PPP1R12A: variants seen among roughly 807,000 people sequenced by gnomAD.
PPP1R12A encodes myosin binding subunit.
PPP1R12A carries 19 observed loss-of-function variants against 139.6 expected under a neutral mutation model. The ratio of observed to expected loss-of-function variants is 0.14; its 90% CI spans 0.09 to 0.20. The LOEUF is 0.20. Among genes scored for constraint, PPP1R12A ranks in the 10% least tolerant of loss-of-function variants. The probability of loss-of-function intolerance (pLI) is 1.00; values close to 1 mark genes in which losing one functional copy is unlikely to be tolerated. For synonymous variants in PPP1R12A, 427 were observed against 420.6 expected, an observed-to-expected ratio of 1.02 and a Z score of -0.19; for missense variants, 925 against 1,211.5, an observed-to-expected ratio of 0.76 and a Z score of 3.51.
chr12:79,868,983 A>G (rs1421249480), intron 2 of PPP1R12A, among the ~76,000 whole-genome samples: 2 of 152,234 alleles, frequency 1.3e-5, no homozygotes, highest in Non-Finnish European at 2.9e-5. Flanking sequence ...CAAGGCAGTG[A>G]GTATTTATTA....
intron 1 of PPP1R12A, among the ~76,000 whole-genome samples, chr12:79,899,352 T>C (rs1010517766): frequency 1.3e-5 from 2 of 151,454 alleles, no homozygotes; most frequent in African/African-American, 4.8e-5. Context: ...AACATACCAT[T>C]ACTACAGAAA....
rs541350503 is a variant in PPP1R12A, at chr12:79,812,312, CT to C, written c.1240-2303del. 3.4e-3 allele frequency among the ~76,000 whole-genome samples: 509 copies of C among 151,756 alleles called. 6 individuals are homozygous for C. Among genetic ancestry groups the C allele is most frequent in the Non-Finnish European group, 1.7e-3 (114 of 67,932 alleles). On this transcript the variant is annotated intron_variant, in intron 9 of 24. Transcript: ENST00000450142. ...TCCTCCATTAAACTCTCTTCTTTGG[CT>C]TTTTTTACTGGACACTATCTTCACC... is the stretch of plus-strand genomic sequence containing the variant.
chr12:79,899,724 T>C (rs889950454), intron 1 of PPP1R12A, among the ~76,000 whole-genome samples: 1 of 152,154 alleles, frequency 6.6e-6, no homozygotes, highest in Non-Finnish European at 1.5e-5. Flanking sequence ...TCTTTTTCTC[T>C]TGGCTAAACA....
chr12:79,818,430 A>G (rs1184466852), intron 8 of PPP1R12A, among the ~76,000 whole-genome samples: 1 of 152,096 alleles, frequency 6.6e-6, no homozygotes, highest in Non-Finnish European at 1.5e-5. Flanking sequence ...TTTTGTAAAG[A>G]CAGGGCTTCC....
intron 23 of PPP1R12A, 112 bp from the exon 24 acceptor site, chr12:79,778,712 G>T: frequency 1.5e-6 from 1 of 683,548 alleles, no homozygotes; most frequent in Non-Finnish European, 2.2e-6. Context: ...CAGGAGCAGT[G>T]TAGAAAAGAT....
chr12:79,788,812 C>T, intron 20 of PPP1R12A, 29 bp from the exon 21 acceptor site: 2 of 1,539,636 alleles, frequency 1.3e-6, no homozygotes, highest in Non-Finnish European at 1.8e-6. Context: ...AATAAAAAAC[C>T]TTGTTATAGG....
intron 9 of PPP1R12A, among the ~76,000 whole-genome samples, chr12:79,811,804 G>A (rs995177657): frequency 6.6e-6 from 1 of 151,954 alleles, no homozygotes; most frequent in African/African-American, 2.4e-5. Context: ...TGGCCCACCA[G>A]CCATAGTTTG....
rs1442740645 is a variant in PPP1R12A at position 79,808,510 on chromosome 12, G to A, written c.1523C>T (p.Thr508Ile). 6.2e-7 allele frequency: 1 copy of A among 1,607,090 alleles called. No homozygotes were observed. The highest frequency in any genetic ancestry group is 1.1e-5 in the South Asian group (1 of 90,470). Residue 508 changes from threonine (T) to isoleucine (I), a missense_variant, in exon 11 of 25, where the codon ACA becomes ATA. This residue lies in a region of PPP1R12A where 403 missense variants were observed against 463.7 expected (regional missense o/e 0.87). Coordinates refer to ENST00000450142, the MANE Select transcript of PPP1R12A (RefSeq NM_002480.3). ...APTIPRRLAS[T>I]SDIEEKENRD... is the part of the protein sequence containing the mutation. ...GTTTTCTTTCTCTTCAATGTCAGAT[G>A]TACTGGCTAGTCGTCTTGGTATTGT...
intron 2 of PPP1R12A, chr12:79,848,764 AAATAAT>A (rs1217603610): frequency 1.3e-5 from 2 of 152,146 alleles, no homozygotes; most frequent in African/African-American, 2.4e-5. Context: ...AAATAATAAT[AAATAAT>A]AATAAACAAA....
intron 21 of PPP1R12A, 121 bp from the exon 22 acceptor site, chr12:79,786,599 C>T: frequency 3.4e-6 from 2 of 581,296 alleles, no homozygotes; most frequent in Non-Finnish European, 5.6e-6. Context: ...ATAAAGGATA[C>T]ATTTAAAAAA....
chr12:79,844,758 G>A (rs1424750948), intron 3 of PPP1R12A, among the ~76,000 whole-genome samples: 2 of 152,136 alleles, frequency 1.3e-5, no homozygotes, highest in Non-Finnish European at 2.9e-5. Context: ...AGGCCTTAAG[G>A]TGATATGACC....
chr12:79,813,091 G>A (rs367897208), intron 9 of PPP1R12A, among the ~76,000 whole-genome samples: 2 of 152,040 alleles, frequency 1.3e-5, no homozygotes, highest in East Asian at 1.9e-4. Context: ...CATCTTCCAC[G>A]ACTACTACTT....
intron 1 of PPP1R12A, among the ~76,000 whole-genome samples, chr12:79,914,779 C>T (rs1040168454): frequency 6.6e-6 from 1 of 151,850 alleles, no homozygotes; most frequent in Admixed American, 6.6e-5. Flanking sequence ...CTCTAGATAA[C>T]TAGACCAGAA....
intron 2 of PPP1R12A, among the ~76,000 whole-genome samples, chr12:79,857,827 T>G (rs150489252): frequency 6.6e-6 from 1 of 152,046 alleles, no homozygotes; most frequent in East Asian, 1.9e-4. Context: ...AGTTATGATA[T>G]AATGGAAAAA....
intron 24 of PPP1R12A, among the ~76,000 whole-genome samples, chr12:79,778,182 C>CA: frequency 6.6e-6 from 1 of 151,580 alleles, no homozygotes; most frequent in South Asian, 2.1e-4. Context: ...ACTTACTCGC[C>CA]AAAAAACATG....
intron 1 of PPP1R12A, among the ~76,000 whole-genome samples, chr12:79,886,270 T>C (rs1565797622): frequency 6.6e-6 from 1 of 152,022 alleles, no homozygotes; most frequent in African/African-American, 2.4e-5. Flanking sequence ...TACTAAATAA[T>C]AAAAAAGAAA....
At chr12:79,882,096 T>C (rs966330533) in intron 1 of PPP1R12A, among the ~76,000 whole-genome samples, 2 of 152,220 alleles carry the variant, frequency 1.3e-5, no homozygotes, top group African/African-American at 4.8e-5. Flanking sequence ...AGGATTAATG[T>C]TGTTTTCATG....
intron 1 of PPP1R12A, among the ~76,000 whole-genome samples, chr12:79,931,914 G>T (rs1888283460): frequency 6.6e-6 from 1 of 152,064 alleles, no homozygotes; most frequent in South Asian, 2.1e-4. Context: ...CTGAAGACTG[G>T]ATATCTTTTA....
In PPP1R12A at chr12:79,899,413, T is replaced by C. The variant is rs142622780; in HGVS notation, c.238-26475A>G. 4.1e-4 allele frequency among the ~76,000 whole-genome samples: 62 copies of C among 152,134 alleles called. 1 individual carries two copies. Among genetic ancestry groups the C allele is most frequent in the Admixed American group, 4.0e-3 (61 of 15,270 alleles). On this transcript the variant is annotated intron_variant, in intron 1 of 24. Transcript: ENST00000450142. ...GTCTCTCCCATTCAGAGTCAACTAC[T>C]GTTCTGGGTTTTTTTTTCCACCACA... is the stretch of plus-strand genomic sequence containing the variant.
Sources: allele counts gnomAD v4.1 joint callset (sites outside exome capture counted in the v4.1 genomes callset), GRCh38; gene constraint gnomAD v4.1.1; regional missense constraint gnomAD v4.1.1; transcripts MANE v1.5; gene names NCBI Gene and HGNC (gene_info 2026-07-23, HGNC 2026-07-21).